Variants in PCDH15 observed in about 807,000 individuals in gnomAD.
The protein encoded by PCDH15 is protocadherin-15.
Under a neutral mutation model 178.5 loss-of-function variants are expected in PCDH15, and 129 were observed. That is an observed-to-expected ratio of 0.72 (90% CI 0.63 to 0.84). PCDH15 has a LOEUF of 0.84. Ranked by LOEUF, PCDH15 falls within the 40% of genes least tolerant of loss-of-function variation. PCDH15 has a pLI of 0.00. For missense variants in PCDH15, 2,230 were observed against 2,099.9 expected (o/e 1.06, Z -1.21); for synonymous variants, 800 against 732.0 (o/e 1.09, Z -1.50).
At chr10:54,799,666 G>T (rs2133691281) in intron 1 of PCDH15, among the ~76,000 whole-genome samples, 1 of 152,072 alleles carries the variant, frequency 6.6e-6, no homozygotes, top group East Asian at 1.9e-4. Context: ...GGGTTAGGAG[G>T]TCGCCACTCA....
intron 2 of PCDH15, among the ~76,000 whole-genome samples, chr10:55,342,636 T>C (rs950483282): frequency 6.6e-6 from 1 of 152,074 alleles, no homozygotes; most frequent in Admixed American, 6.6e-5. Flanking sequence ...ACCAGGCTTT[T>C]AATTTCTTGT....
At chr10:55,039,716 G>C (rs1437108914) in intron 2 of PCDH15, among the ~76,000 whole-genome samples, 1 of 152,130 alleles carries the variant, frequency 6.6e-6, no homozygotes, top group African/African-American at 2.4e-5. Flanking sequence ...AGTGGCAAGT[G>C]TGGAGAAACT....
At chr10:54,516,651 G>A (rs2082253084) in intron 3 of PCDH15, among the ~76,000 whole-genome samples, 1 of 152,078 alleles carries the variant, frequency 6.6e-6, no homozygotes, top group South Asian at 2.1e-4. Context: ...ATATTATCCA[G>A]GAGAACTTCC....
At chr10:55,347,206 C>T (rs1844786588) in intron 2 of PCDH15, among the ~76,000 whole-genome samples, 1 of 151,624 alleles carries the variant, frequency 6.6e-6, no homozygotes, top group South Asian at 2.1e-4. Context: ...TAGAGGGAGA[C>T]TGGCAAATAA....
At chr10:55,594,987 C>T (rs770601839) in intron 2 of PCDH15, among the ~76,000 whole-genome samples, 1 of 152,008 alleles carries the variant, frequency 6.6e-6, no homozygotes, top group Admixed American at 6.6e-5. Flanking sequence ...GGCTGCCTTA[C>T]TTAATGTAAC....
At chr10:55,603,391 G>A (rs1309957743) in intron 2 of PCDH15, among the ~76,000 whole-genome samples, 1 of 151,268 alleles carries the variant, frequency 6.6e-6, no homozygotes, top group African/African-American at 2.4e-5. Flanking sequence ...GAAATACAGA[G>A]AACGCCACAA....
At chr10:55,504,985 T>C (rs1840730862) in intron 2 of PCDH15, among the ~76,000 whole-genome samples, 2 of 151,572 alleles carry the variant, frequency 1.3e-5, no homozygotes, top group South Asian at 4.1e-4. Flanking sequence ...TGTAGCGTAT[T>C]AACAAATAGG....
Position 54,968,920 on chromosome 10 carries a change from A to G in PCDH15, c.-79-71420T>C, listed in dbSNP as rs565968650. Among the ~76,000 whole-genome samples, 27 of 152,108 alleles carry G rather than the reference A, an allele frequency of 1.8e-4. 2 individuals carry two copies. In the South Asian group the frequency reaches 5.4e-3, roughly 30 times the overall value. On this transcript the variant is annotated intron_variant, in intron 2 of 5. Transcript: ENST00000458638. ...TTTTGTTAATCTGTTAATCCTATCC[A>G]GTATATTTTTCATATTAGACATTGC...
chr10:55,466,908 C>CT (rs1041342397), intron 2 of PCDH15, among the ~76,000 whole-genome samples: 2 of 152,128 alleles, frequency 1.3e-5, no homozygotes, highest in African/African-American at 2.4e-5. Flanking sequence ...AGAAAATAGT[C>CT]TTTTTTCAGA....
intron 2 of PCDH15, among the ~76,000 whole-genome samples, chr10:55,584,746 C>A (rs954958065): frequency 6.7e-6 from 1 of 150,150 alleles, no homozygotes; most frequent in Admixed American, 6.6e-5. Context: ...TGTAGACACA[C>A]ATATAGATAG....
intron 1 of PCDH15, among the ~76,000 whole-genome samples, chr10:54,737,693 T>TTTGA (rs1944293870): frequency 6.7e-6 from 1 of 148,578 alleles, no homozygotes; most frequent in Non-Finnish European, 1.5e-5. Flanking sequence ...TTAGTCAAAC[T>TTTGA]TTGAAACTGA....
intron 29 of PCDH15, among the ~76,000 whole-genome samples, chr10:53,835,262 G>T (rs1480966760): frequency 1.3e-5 from 2 of 152,100 alleles, no homozygotes; most frequent in Non-Finnish European, 2.9e-5. Flanking sequence ...AGTGTATAAA[G>T]TCTTTTTCTG....
intron 2 of PCDH15, among the ~76,000 whole-genome samples, chr10:55,510,155 A>C (rs893685062): frequency 6.6e-6 from 1 of 151,992 alleles, no homozygotes; most frequent in African/African-American, 2.4e-5. Flanking sequence ...ACTCTAAAAA[A>C]TGTTGGTTTT....
chr10:53,809,023 C>T (rs372339215), intron 37 of PCDH15: 11 of 1,595,028 alleles, frequency 6.9e-6, no homozygotes, highest in Non-Finnish European at 9.4e-6. Context: ...CTCTTTCCTA[C>T]CCTTGACTTC....
rs552244748 is a variant in PCDH15, at chr10:54,089,950, A to AT, written c.1997+33dup. The AT allele has an allele frequency of 9.8e-4, 1,498 of 1,524,626 alleles. 30 individuals carry two copies. The South Asian group carries it at 0.016, about 16-fold the overall frequency. The allele number at this position is 1,524,626 out of a possible 1,614,324, so 94.4% of individuals were successfully genotyped here. On this transcript the variant is annotated intron_variant, in intron 16 of 37. Coordinates refer to ENST00000644397, the MANE Select transcript of PCDH15 (RefSeq NM_001384140.1). Reference sequence around the variant, plus strand: ...TCTTACTAACAGTACGTTGCTGTACATTTTTTTAAAGTAGGAAATCATTTT... The same window carrying AT: ...TCTTACTAACAGTACGTTGCTGTACATTTTTTTTAAAGTAGGAAATCATTTT...
At chr10:55,041,727 T>C (rs2131977739) in intron 2 of PCDH15, among the ~76,000 whole-genome samples, 1 of 152,284 alleles carries the variant, frequency 6.6e-6, no homozygotes, top group South Asian at 2.1e-4. Flanking sequence ...AGAATATAAA[T>C]ACATTGGGAT....
At chr10:53,832,278 G>C (rs1351555263) in intron 29 of PCDH15, among the ~76,000 whole-genome samples, 4 of 151,992 alleles carry the variant, frequency 2.6e-5, no homozygotes, top group Non-Finnish European at 5.9e-5. Flanking sequence ...TTTTGGAAGA[G>C]AATCAAGGAA....
intron 3 of PCDH15, among the ~76,000 whole-genome samples, chr10:54,891,860 T>A (rs1954467736): frequency 6.6e-6 from 1 of 152,056 alleles, no homozygotes; most frequent in African/African-American, 2.4e-5. Context: ...TCAGACTTCA[T>A]CACAGTGCAA....
chr10:54,466,134 A>AT (rs1401496211), intron 3 of PCDH15, among the ~76,000 whole-genome samples: 2 of 151,752 alleles, frequency 1.3e-5, no homozygotes, highest in Admixed American at 1.3e-4. Context: ...GTCTGCATAT[A>AT]TTTTCTCCCA....
Sources: gnomAD v4.1 joint callset for allele counts (sites outside exome capture counted in the v4.1 genomes callset) on GRCh38, gnomAD v4.1.1 for gene constraint, MANE v1.5 for transcripts, NCBI Gene and HGNC (gene_info 2026-07-23, HGNC 2026-07-21) for gene names.